The following PROK1 variants were observed in gnomAD, a reference collection of about 807,000 sequenced individuals.
PROK1 encodes prokineticin-1.
A neutral mutation model predicts 8.8 loss-of-function variants in PROK1; 10 were observed. That is an observed-to-expected ratio of 1.13 (90% CI 0.70 to 1.92). PROK1 has a LOEUF of 1.92. Among genes scored for constraint, PROK1 ranks in the 30% most tolerant of loss-of-function variants. PROK1 has a pLI of 0.00. For missense variants in PROK1, 140 were observed against 139.7 expected (o/e 1.00, Z -0.01); for synonymous variants, 57 against 56.0 (o/e 1.02, Z -0.08).
intron 2 of PROK1, among the ~76,000 whole-genome samples, chr1:110,454,914 AGTG>A (rs1444485539): frequency 8.7e-4 from 132 of 152,332 alleles, no homozygotes; most frequent in Non-Finnish European, 1.3e-3. Flanking sequence ...CAGTGAGGCA[AGTG>A]AGGTGCCCAC....
chr1:110,451,190 A>T lies in PROK1; in HGVS notation c.-27A>T. The T allele has an allele frequency of 6.2e-7, 1 of 1,611,218 alleles. No individual in the cohort carries two copies. The highest frequency in any genetic ancestry group is 8.5e-7 in the Non-Finnish European group (1 of 1,177,302). On this transcript the variant is annotated 5_prime_UTR_variant, in exon 1 of 3. Transcript: ENST00000271331. ...GGAAGCGAGAGGCATCTAAGCAGGC[A>T]GTGTTTTGCCTTCACCCCAAGTGAC... is the stretch of plus-strand genomic sequence containing the variant.
At chr1:110,453,137 A>G (rs145884857) in intron 1 of PROK1, among the ~76,000 whole-genome samples, 176 of 152,310 alleles carry the variant, frequency 1.2e-3, no homozygotes, top group Non-Finnish European at 2.1e-3. Flanking sequence ...TCCAAAACCC[A>G]GCTTTGCATT....
At chr1:110,451,946 T>C (rs183990547) in intron 1 of PROK1, among the ~76,000 whole-genome samples, 15 of 152,318 alleles carry the variant, frequency 9.8e-5, no homozygotes, top group Non-Finnish European at 1.8e-4. Context: ...GTTCAGCATA[T>C]GGGCACTGTA....
In PROK1 at chr1:110,453,868, T is replaced by C. The variant is rs1256715664; in HGVS notation, c.73-93T>C. ...GGTGATACTCTCAGCCTCTTCTTGCTCCATCCTGATAAGGGCTTTTTGGAT... is the reference window on the plus strand; with the variant it reads ...GGTGATACTCTCAGCCTCTTCTTGCCCCATCCTGATAAGGGCTTTTTGGAT... On this transcript the variant is annotated intron_variant, in intron 1 of 2. Coordinates refer to ENST00000271331, the MANE Select transcript of PROK1 (RefSeq NM_032414.3). 1.2e-5 allele frequency: 18 copies of C among 1,549,090 alleles called. No homozygotes were observed. The East Asian group carries it at 3.6e-4, about 31-fold the overall frequency.
At chr1:110,452,462 G>A (rs66809949) in intron 1 of PROK1, among the ~76,000 whole-genome samples, 39,953 of 152,212 alleles carry the variant, frequency 0.26, 5,940 homozygotes, top group Non-Finnish European at 0.34. Flanking sequence ...GAGAAGCCCC[G>A]GCTGCTGCGC....
At chr1:110,451,321 T>C (rs968878617) in intron 1 of PROK1, 33 bp downstream of exon 1, 2 of 1,598,022 alleles carry the variant, frequency 1.3e-6, no homozygotes, top group Admixed American at 3.3e-5. Flanking sequence ...TGCCTTGGGT[T>C]TTGGGAAGAT....
chr1:110,456,921 G>C lies in PROK1; in HGVS notation c.*570G>C, dbSNP rs1664182577. 1 of 173,522 alleles carries C rather than the reference G, an allele frequency of 5.8e-6. No individual in the cohort carries two copies. The highest frequency in any genetic ancestry group is 1.4e-4 in the South Asian group (1 of 7,066). 10.7% of individuals were successfully genotyped at this position (173,522 alleles called of 1,614,324 possible). On this transcript the variant is annotated 3_prime_UTR_variant, in exon 3 of 3. Coordinates refer to ENST00000271331, the MANE Select transcript of PROK1 (RefSeq NM_032414.3). ...GGCAGCAGACAGTCACCCCAAGGCA[G>C]GTGTAGGGAGCCCAGGGAGGCCAAT... is the stretch of plus-strand genomic sequence containing the variant.
chr1:110,451,269 A>C lies in PROK1; in HGVS notation c.53A>C (p.Asp18Ala), dbSNP rs1664085886. 6.2e-7 allele frequency: 1 copy of C among 1,614,088 alleles called. No homozygotes were observed. Residue 18 changes from aspartate to alanine, a missense_variant, in exon 1 of 3, where the codon GAC becomes GCC. Transcript: ENST00000271331. The stretch of plus-strand genomic sequence containing the variant: ...ATGCTCCTCCTAGTAACTGTGTCTG[A>C]CTGTGCTGTGATCACAGGGGTAAGT... ...SIMLLLVTVS[D>A]CAVITGACER...
Position 110,453,922 on chromosome 1 carries a change from T to C in PROK1, c.73-39T>C, listed in dbSNP as rs1248864923. On this transcript the variant is annotated intron_variant, in intron 1 of 2. Coordinates refer to ENST00000271331, the MANE Select transcript of PROK1 (RefSeq NM_032414.3). ...CCCTTCCCTTCTGCTTTCTCTTGGGTGCACTAATGAACTGTTCCCTTCTCT... is the reference window on the plus strand; with the variant it reads ...CCCTTCCCTTCTGCTTTCTCTTGGGCGCACTAATGAACTGTTCCCTTCTCT... 3.1e-6 allele frequency: 5 copies of C among 1,613,654 alleles called. No individual in the cohort carries two copies. The African/African-American group carries it at 6.7e-5, about 22-fold the overall frequency.
chr1:110,453,113 T>C (rs1664113240), intron 1 of PROK1, among the ~76,000 whole-genome samples: 1 of 152,204 alleles, frequency 6.6e-6, no homozygotes, highest in Non-Finnish European at 1.5e-5. Flanking sequence ...TAGGCTTTTA[T>C]TGGAGAAGAG....
At position 110,456,274 on chromosome 1, in the gene PROK1, T is replaced by G; in HGVS notation, c.241T>G (p.Leu81Val). The G allele has an allele frequency of 1.9e-6, 3 of 1,614,036 alleles. No individual in the cohort carries two copies. The highest frequency in any genetic ancestry group is 2.5e-6 in the Non-Finnish European group (3 of 1,180,026). The part of the protein sequence containing the change: ...RKRKHHTCPC[L>V]PNLLCSRFPD... ...ACGCAAGCACCACACCTGTCCTTGC[T>G]TGCCCAACCTGCTGTGCTCCAGGTT... is the stretch of plus-strand genomic sequence containing the variant. The change falls in exon 3 of 3, where the codon TTG becomes GTG. Residue 81 changes from leucine to valine, a missense_variant. Transcript: ENST00000271331.
chr1:110,453,611 T>C (rs932359838), intron 1 of PROK1, among the ~76,000 whole-genome samples: 15 of 152,178 alleles, frequency 9.9e-5, no homozygotes, highest in Non-Finnish European at 2.1e-4. Flanking sequence ...AGAATTCTAA[T>C]TAATTCAATT....
rs200512156 is a variant in PROK1 at position 110,453,998 on chromosome 1, G to A, written c.110G>A (p.Cys37Tyr). ...ERDVQCGAGT[C>Y]CAISLWLRGL... ...GATGTCCAGTGTGGGGCAGGCACCTGCTGTGCCATCAGCCTGTGGCTTCGA... is the reference window on the plus strand; with the variant it reads ...GATGTCCAGTGTGGGGCAGGCACCTACTGTGCCATCAGCCTGTGGCTTCGA... The change falls in exon 2 of 3, where the codon TGC becomes TAC. Residue 37 changes from cysteine to tyrosine, a missense_variant. By Grantham distance (194) the Cys-to-Tyr change is radical (BLOSUM62 -2). Transcript: ENST00000271331. 23 of 1,614,228 alleles carry A rather than the reference G, an allele frequency of 1.4e-5. No individual in the cohort carries two copies. The African/African-American group carries it at 2.3e-4, about 16-fold the overall frequency.
At position 110,456,380 on chromosome 1, in the gene PROK1, A is replaced by G. The variant is rs751320705; in HGVS notation, c.*29A>G. ...CTTGCCTGGTCTCAGGATACCCACC[A>G]TCCTTTTCCTGAGCACAGCCTGGAT... On this transcript the variant is annotated 3_prime_UTR_variant, in exon 3 of 3. Coordinates refer to ENST00000271331, the MANE Select transcript of PROK1 (RefSeq NM_032414.3). 5 of 1,612,928 alleles carry G rather than the reference A, an allele frequency of 3.1e-6. No homozygotes were observed.
At chr1:110,455,732 A>T (rs888708744) in intron 2 of PROK1, among the ~76,000 whole-genome samples, 12 of 152,206 alleles carry the variant, frequency 7.9e-5, no homozygotes, top group Non-Finnish European at 1.5e-4. Flanking sequence ...GAAGCGGTAG[A>T]CCTGGGATTT....
rs766997758 is a variant in PROK1 at position 110,451,275 on chromosome 1, C to T, written c.59C>T (p.Ala20Val). 3.7e-6 allele frequency: 6 copies of T among 1,613,922 alleles called. No individual in the cohort carries two copies. In the African/African-American group the frequency reaches 8.0e-5, roughly 22 times the overall value. The change falls in exon 1 of 3, where the codon GCT (alanine) becomes GTT (valine). Residue 20 changes from alanine to valine, a missense_variant. Ala to Val is a moderately conservative substitution (Grantham distance 64). Transcript: ENST00000271331. ...CTCCTAGTAACTGTGTCTGACTGTG[C>T]TGTGATCACAGGGGTAAGTCGCCTA... Reference protein sequence around the residue: ...MLLLVTVSDCAVITGACERDV... With the variant: ...MLLLVTVSDCVVITGACERDV...
At chr1:110,454,515 C>T (rs1343882542) in intron 2 of PROK1, among the ~76,000 whole-genome samples, 2 of 152,206 alleles carry the variant, frequency 1.3e-5, no homozygotes, top group African/African-American at 2.4e-5. Flanking sequence ...GTGACTTGCT[C>T]AAGGCACACA....
rs1664086337 is a variant in PROK1 at position 110,451,285 on chromosome 1, A to G, written c.69A>G (p.Thr23=). 6.2e-7 allele frequency: 1 copy of G among 1,614,026 alleles called. No homozygotes were observed. The highest frequency in any genetic ancestry group is 8.5e-7 in the Non-Finnish European group (1 of 1,179,884). The part of the protein sequence containing the change: ...LVTVSDCAVI[T]GACERDVQCG... The stretch of plus-strand genomic sequence containing the variant: ...CTGTGTCTGACTGTGCTGTGATCAC[A>G]GGGGTAAGTCGCCTAACATTCTCTG... The change falls in exon 1 of 3, where the codon ACA becomes ACG. Residue 23 remains threonine, a synonymous_variant. Coordinates refer to ENST00000271331, the MANE Select transcript of PROK1 (RefSeq NM_032414.3).
rs368957657 is a variant in PROK1 at position 110,456,486 on chromosome 1, G to A, written c.*135G>A. 7.5e-6 allele frequency: 8 copies of A among 1,071,114 alleles called. No individual in the cohort carries two copies. The highest frequency in any genetic ancestry group is 2.4e-5 in the East Asian group (1 of 40,852). The allele number at this position is 1,071,114 out of a possible 1,614,324, so 66.4% of individuals were successfully genotyped here. On this transcript the variant is annotated 3_prime_UTR_variant, in exon 3 of 3. Transcript: ENST00000271331. ...TACCCTGATCTCTCTTGTCTAGTAC[G>A]CACATATGCACACAGGCAGACATAC... is the stretch of plus-strand genomic sequence containing the variant.
Sources: allele counts gnomAD v4.1 joint callset (sites outside exome capture counted in the v4.1 genomes callset), GRCh38; gene constraint gnomAD v4.1.1; transcripts MANE v1.5; gene names NCBI Gene and HGNC (gene_info 2026-07-23, HGNC 2026-07-21).